Variants in ARHGEF37 observed in about 807,000 individuals in gnomAD.
The protein encoded by ARHGEF37 is Rho guanine nucleotide exchange factor (GEF) 37.
A neutral mutation model predicts 71.1 loss-of-function variants in ARHGEF37; 55 were observed. That is an observed-to-expected ratio of 0.77 (90% confidence interval 0.62 to 0.97). ARHGEF37 has a LOEUF of 0.97. Ranked by LOEUF, ARHGEF37 falls within the 50% of genes least tolerant of loss-of-function variation. The pLI, the probability that ARHGEF37 is intolerant of heterozygous loss-of-function variation, is 0.00. For synonymous variants in ARHGEF37, 327 were observed against 350.6 expected (o/e 0.93, Z 0.75); for missense variants, 765 against 836.8 (o/e 0.91, Z 1.06).
intron 4 of ARHGEF37, among the ~76,000 whole-genome samples, chr5:149,615,892 A>C (rs965148129): frequency 6.6e-6 from 1 of 151,876 alleles, no homozygotes; most frequent in Non-Finnish European, 1.5e-5. Context: ...CTCTGTCTCA[A>C]AAAACAAAAC....
chr5:149,611,233 C>A (rs1000808936), intron 4 of ARHGEF37, among the ~76,000 whole-genome samples: 4 of 152,214 alleles, frequency 2.6e-5, no homozygotes, highest in Admixed American at 2.0e-4. Context: ...GGGAAATAAA[C>A]TGCATTTCTT....
At chr5:149,629,062 C>A (rs972473602) in intron 12 of ARHGEF37, 96 bp downstream of exon 12, 12 of 1,414,094 alleles carry the variant, frequency 8.5e-6, no homozygotes, top group Admixed American at 2.4e-5. Flanking sequence ...CCCCTCCTGT[C>A]TGGTGGGGCT....
At chr5:149,621,081 G>C (rs931145329) in intron 8 of ARHGEF37, among the ~76,000 whole-genome samples, 1 of 152,144 alleles carries the variant, frequency 6.6e-6, no homozygotes, top group African/African-American at 2.4e-5. Flanking sequence ...GAGGCTCAGA[G>C]GGGGTCACCT....
chr5:149,571,287 T>G (rs1001271283), intron 1 of ARHGEF37, among the ~76,000 whole-genome samples: 1 of 150,260 alleles, frequency 6.7e-6, no homozygotes, highest in Admixed American at 6.6e-5. Context: ...ACAGAGTCTC[T>G]CTCTGTCACC....
chr5:149,576,992 A>G (rs1052989051), upstream of ARHGEF37, among the ~76,000 whole-genome samples: 4 of 152,166 alleles, frequency 2.6e-5, no homozygotes, highest in African/African-American at 7.2e-5. Context: ...GACAGAAGAA[A>G]TAATTCTCAA....
chr5:149,598,332 CCT>C (rs1763625673), intron 2 of ARHGEF37, among the ~76,000 whole-genome samples: 16 of 94,192 alleles, frequency 1.7e-4, no homozygotes, highest in African/African-American at 6.2e-4. Flanking sequence ...CTTCTTTCTT[CCT>C]CTTCCTCTTC....
chr5:149,619,122 A>G (rs551886267), intron 7 of ARHGEF37, 80 bp downstream of exon 7: 15 of 1,182,960 alleles, frequency 1.3e-5, no homozygotes, highest in South Asian at 1.2e-4. Flanking sequence ...CCAGCCTACA[A>G]GCTGGGAAAG....
Position 149,620,397 on chromosome 5 carries a change from C to A in ARHGEF37, c.938C>A (p.Pro313His), listed in dbSNP as rs775265891. ...FRPHEYNLDI[P>H]EGPAVQYCNL... ...CCGCACGAATACAATCTGGACATCCCCGAGGGGCCTGCAGTGCAGTATTGC... is the reference window on the plus strand; with the variant it reads ...CCGCACGAATACAATCTGGACATCCACGAGGGGCCTGCAGTGCAGTATTGC... Residue 313 changes from proline to histidine, a missense_variant, in exon 8 of 13, where the codon CCC becomes CAC. Pro to His is a moderately conservative substitution (Grantham distance 77). Around this residue, in one of 5 missense-constraint regions of ARHGEF37, gnomAD observed 167 missense variants for 173.3 expected, o/e 0.96. Coordinates refer to ENST00000333677, the MANE Select transcript of ARHGEF37 (RefSeq NM_001001669.3). 1 of 1,612,606 alleles carries A rather than the reference C, an allele frequency of 6.2e-7. No individual in the cohort carries two copies. The highest frequency in any genetic ancestry group is 8.5e-7 in the Non-Finnish European group (1 of 1,179,370).
At chr5:149,568,785 C>G (rs1009490699) in intron 1 of ARHGEF37, among the ~76,000 whole-genome samples, 3 of 143,026 alleles carry the variant, frequency 2.1e-5, no homozygotes, top group African/African-American at 7.9e-5. Context: ...ACACTCCACT[C>G]TGGGCAACAG....
intron 3 of ARHGEF37, among the ~76,000 whole-genome samples, chr5:149,604,676 ATTTTTTTTTT>A (rs528100482): frequency 1.1e-5 from 1 of 91,694 alleles, no homozygotes; most frequent in Non-Finnish European, 2.1e-5. Flanking sequence ...CAGCAACACC[ATTTTTTTTTT>A]TTTTTTTTTT....
chr5:149,580,352 C>T (rs1198401631), upstream of ARHGEF37, among the ~76,000 whole-genome samples: 4 of 152,154 alleles, frequency 2.6e-5, no homozygotes, highest in South Asian at 8.3e-4. Context: ...TGAGCCACCG[C>T]GCCCGGCACC....
intron 1 of ARHGEF37, among the ~76,000 whole-genome samples, chr5:149,562,014 C>A (rs745747230): frequency 4.6e-5 from 7 of 152,126 alleles, no homozygotes; most frequent in Non-Finnish European, 7.3e-5. Context: ...TTGGAAGATG[C>A]TTGAGTTGCC....
At chr5:149,607,890 C>T (rs11167473) in intron 3 of ARHGEF37, among the ~76,000 whole-genome samples, 51,145 of 151,398 alleles carry the variant, frequency 0.34, 10,721 homozygotes, top group Non-Finnish European at 0.47. Flanking sequence ...CCTCAGCCTC[C>T]CGAGTAGCTG....
chr5:149,618,201 G>C lies in ARHGEF37; in HGVS notation c.684G>C (p.Gln228His). The C allele has an allele frequency of 6.2e-7, 1 of 1,614,214 alleles. No individual in the cohort carries two copies. Among genetic ancestry groups the C allele is most frequent in the South Asian group, 1.1e-5 (1 of 91,086 alleles). Residue 228 changes from glutamine to histidine, a missense_variant, in exon 6 of 13, where the codon CAG becomes CAC. Coordinates refer to ENST00000333677, the MANE Select transcript of ARHGEF37 (RefSeq NM_001001669.3). The part of the protein sequence containing the change: ...EVASKYTKVE[Q>H]LTLRERLARI... ...CCTCCAAGTACACCAAGGTAGAGCAGCTGACCCTCCGGGAGCGGCTGGCCC... is the reference window on the plus strand; with the variant it reads ...CCTCCAAGTACACCAAGGTAGAGCACCTGACCCTCCGGGAGCGGCTGGCCC...
intron 8 of ARHGEF37, 42 bp from the exon 9 acceptor site, chr5:149,621,691 G>A (rs1481263722): frequency 6.4e-7 from 1 of 1,565,536 alleles, no homozygotes; most frequent in South Asian, 1.2e-5. Flanking sequence ...CCTGCCCTTT[G>A]CCACCTCCTT....
chr5:149,622,913 ACT>A (rs1198481482), intron 9 of ARHGEF37, among the ~76,000 whole-genome samples: 1 of 152,020 alleles, frequency 6.6e-6, no homozygotes, highest in Non-Finnish European at 1.5e-5. Flanking sequence ...AATATCACAC[ACT>A]GTTTCCTGTG....
Position 149,589,811 on chromosome 5 carries a change from G to A in ARHGEF37, c.-11-7948G>A, listed in dbSNP as rs541294936. 2.9e-4 allele frequency among the ~76,000 whole-genome samples: 44 copies of A among 152,000 alleles called. No homozygotes were observed. In the East Asian group the frequency reaches 8.5e-3, roughly 29 times the overall value. On this transcript the variant is annotated intron_variant, in intron 1 of 12. Coordinates refer to ENST00000333677, the MANE Select transcript of ARHGEF37 (RefSeq NM_001001669.3). ...TGGGATTACAGGTGTGAGCCACCATGCCCGGCCGCCTGGCTAATTTAAATT... is the reference window on the plus strand; with the variant it reads ...TGGGATTACAGGTGTGAGCCACCATACCCGGCCGCCTGGCTAATTTAAATT...
rs748480032 is a variant in ARHGEF37, at chr5:149,601,145, T to G, written c.224T>G (p.Ile75Ser). 6.2e-7 allele frequency: 1 copy of G among 1,613,230 alleles called. No individual in the cohort carries two copies. ...GATCTGGATGTCCTGTTCTCAAACA[T>G]TGATGATATCATCAAAGTGAACAGC... ...QGDLDVLFSNIDDIIKVNSRF... is the reference protein window; with the variant it reads ...QGDLDVLFSNSDDIIKVNSRF... Residue 75 changes from isoleucine (I) to serine (S), a missense_variant, in exon 3 of 13, where the codon ATT becomes AGT. Physicochemically the swap from Ile to Ser is moderately radical, Grantham distance 142. Around this residue, in one of 5 missense-constraint regions of ARHGEF37, gnomAD observed 201 missense variants for 217.5 expected, o/e 0.92. Transcript: ENST00000333677.
rs1752900767 is a variant in ARHGEF37 at position 149,632,073 on chromosome 5, A to G, written c.1910A>G (p.Lys637Arg). Reference protein sequence around the residue: ...QPVTILEAQDKKGNPEWSLVE... With the variant: ...QPVTILEAQDRKGNPEWSLVE... ...GTGACCATCCTGGAGGCCCAGGACA[A>G]GAAGGGGAACCCTGAGTGGAGCCTG... The change falls in exon 13 of 13, where the codon AAG (lysine) becomes AGG (arginine). Residue 637 changes from lysine (K) to arginine (R), a missense_variant. This residue lies in a region of ARHGEF37 where 390 missense variants were observed against 407.4 expected (regional missense o/e 0.96). Coordinates refer to ENST00000333677, the MANE Select transcript of ARHGEF37 (RefSeq NM_001001669.3). 1 of 1,614,254 alleles carries G rather than the reference A, an allele frequency of 6.2e-7. No homozygotes were observed. The highest frequency in any genetic ancestry group is 8.5e-7 in the Non-Finnish European group (1 of 1,180,036).
Sources: gnomAD v4.1 joint callset for allele counts (sites outside exome capture counted in the v4.1 genomes callset) on GRCh38, gnomAD v4.1.1 for gene constraint, gnomAD v4.1.1 regional missense constraint, MANE v1.5 for transcripts, NCBI Gene and HGNC (gene_info 2026-07-23, HGNC 2026-07-21) for gene names.